The following PCDHA10 variants were observed in gnomAD, a reference collection of about 807,000 sequenced individuals.
PCDHA10 encodes the protein protocadherin alpha 10.
In PCDHA10, 45 loss-of-function variants were observed where a neutral mutation model predicts 61.2. The ratio of observed to expected loss-of-function variants is 0.74; its 90% CI spans 0.58 to 0.94. The LOEUF is 0.94. Ranked by LOEUF, PCDHA10 falls within the 40% of genes least tolerant of loss-of-function variation. The pLI is 0.00. For missense variants in PCDHA10, 1,278 were observed against 1,236.2 expected (o/e 1.03, Z -0.51); for synonymous variants, 602 against 548.8 (o/e 1.10, Z -1.35).
chr5:140,900,276 A>G (rs1228583402), intron 1 of PCDHA10, among the ~76,000 whole-genome samples: 1 of 151,558 alleles, frequency 6.6e-6, no homozygotes, highest in Non-Finnish European at 1.5e-5. Context: ...TATATGTACC[A>G]CACTTTCTTT....
chr5:140,900,432 C>T (rs782344144), intron 1 of PCDHA10, among the ~76,000 whole-genome samples: 1 of 152,178 alleles, frequency 6.6e-6, no homozygotes, highest in Non-Finnish European at 1.5e-5. Flanking sequence ...CACGTGCCAC[C>T]ACGGCCGGCT....
chr5:140,926,323 G>C (rs977416438), intron 1 of PCDHA10: 1 of 152,270 alleles, frequency 6.6e-6, no homozygotes, highest in South Asian at 2.1e-4. Flanking sequence ...GGTGCGCCGG[G>C]GTCAGAGCGC....
intron 1 of PCDHA10, among the ~76,000 whole-genome samples, chr5:140,905,958 G>C (rs1554192269): frequency 6.6e-6 from 1 of 152,184 alleles, no homozygotes; most frequent in African/African-American, 2.4e-5. Context: ...GATGTTCAAG[G>C]GGAGGAAGAT....
intron 1 of PCDHA10, among the ~76,000 whole-genome samples, chr5:140,935,092 C>T (rs1015892831): frequency 2.6e-5 from 4 of 152,100 alleles, no homozygotes; most frequent in Non-Finnish European, 5.9e-5. Context: ...TTCCCAGAAT[C>T]AGCCATTTTT....
At chr5:140,993,883 A>G (rs1256857317) in intron 3 of PCDHA10, among the ~76,000 whole-genome samples, 1 of 152,228 alleles carries the variant, frequency 6.6e-6, no homozygotes, top group East Asian at 1.9e-4. Flanking sequence ...AGTACGCTCT[A>G]TGATGTCCAT....
chr5:140,886,697 G>A (rs1230801248), intron 1 of PCDHA10, among the ~76,000 whole-genome samples: 4 of 151,750 alleles, frequency 2.6e-5, no homozygotes. Context: ...ATGGTGGCAC[G>A]CGCCTGTAAT....
At chr5:140,997,264 A>G (rs1554255813) in intron 3 of PCDHA10, among the ~76,000 whole-genome samples, 3 of 152,154 alleles carry the variant, frequency 2.0e-5, no homozygotes. Context: ...CACTCTTCCA[A>G]ATATTTCTTG....
In PCDHA10 at chr5:140,857,461, C is replaced by T. The variant is rs1554150068; in HGVS notation, c.1413C>T (p.Cys471=). 9 of 1,598,524 alleles carry T rather than the reference C, an allele frequency of 5.6e-6. 1 individual carries two copies. Among genetic ancestry groups the T allele is most frequent in the Non-Finnish European group, 7.7e-6 (9 of 1,167,928 alleles). The change falls in exon 1 of 4, where the codon TGC becomes TGT. Residue 471 remains cysteine, a synonymous_variant. Transcript: ENST00000307360. The part of the protein sequence containing the change: ...VFVKENNPPG[C]HIFTVSAWDA... ...TGAAGGAGAACAACCCGCCAGGCTG[C>T]CACATCTTCACGGTGTCTGCGTGGG...
intron 1 of PCDHA10, among the ~76,000 whole-genome samples, chr5:140,901,937 A>G (rs2068997026): frequency 6.7e-6 from 1 of 148,692 alleles, no homozygotes; most frequent in South Asian, 2.1e-4. Context: ...ATTCCTAGGT[A>G]TATTTAGTTT....
intron 1 of PCDHA10, chr5:140,882,051 A>T: frequency 1.3e-6 from 1 of 757,670 alleles, no homozygotes; most frequent in Non-Finnish European, 2.0e-6. Flanking sequence ...AGTCATACTT[A>T]CACTTACACG....
chr5:140,877,262 T>C (rs1554169532), intron 1 of PCDHA10: 2 of 1,613,670 alleles, frequency 1.2e-6, no homozygotes, highest in South Asian at 2.2e-5. Flanking sequence ...GTGCGCGCGG[T>C]GGACGCTGAC....
chr5:140,913,035 T>C (rs1277110200), intron 1 of PCDHA10, among the ~76,000 whole-genome samples: 2 of 152,242 alleles, frequency 1.3e-5, no homozygotes, highest in African/African-American at 4.8e-5. Context: ...TCATCAGATA[T>C]ATTGGCCTGG....
chr5:140,971,857 T>G (rs1312639660), intron 1 of PCDHA10, among the ~76,000 whole-genome samples: 12 of 152,198 alleles, frequency 7.9e-5, no homozygotes, highest in African/African-American at 2.9e-4. Flanking sequence ...TAAATATTTG[T>G]TAACATCTAG....
intron 1 of PCDHA10, among the ~76,000 whole-genome samples, chr5:140,924,926 TAAAATAAAATAAAAA>T (rs1425116753): frequency 8.4e-6 from 1 of 119,430 alleles, no homozygotes; most frequent in Non-Finnish European, 1.8e-5. Flanking sequence ...TAAAATAAAA[TAAAATAAAATAAAAA>T]GTTAAAAAAA....
intron 1 of PCDHA10, among the ~76,000 whole-genome samples, chr5:140,879,151 T>C (rs1409921025): frequency 6.6e-6 from 1 of 152,216 alleles, no homozygotes; most frequent in Non-Finnish European, 1.5e-5. Flanking sequence ...GCAGGAAAGC[T>C]ATTTCTTTTT....
intron 1 of PCDHA10, among the ~76,000 whole-genome samples, chr5:140,945,912 A>G (rs1351762760): frequency 2.0e-5 from 3 of 152,132 alleles, no homozygotes; most frequent in African/African-American, 7.2e-5. Flanking sequence ...TGAAAGATCA[A>G]TAACACTGAT....
intron 1 of PCDHA10, chr5:140,966,441 CT>C (rs1165111455): frequency 7.1e-6 from 3 of 424,684 alleles, no homozygotes; most frequent in African/African-American, 4.1e-5. Context: ...CTACCGCTCC[CT>C]TTCCCCCTCC....
In PCDHA10 at chr5:140,966,999, G is replaced by A. The variant is rs782081862; in HGVS notation, c.2389-11950G>A. 115 of 1,604,458 alleles carry A rather than the reference G, an allele frequency of 7.2e-5. No homozygotes were observed. The highest frequency in any genetic ancestry group is 8.8e-5 in the Non-Finnish European group (104 of 1,177,324). ...CGGCGCTTGGGGCCGGGTTGCTTGC[G>A]CATCAACCATCTGGGTGCGCCCAGT... On this transcript the variant is annotated intron_variant, in intron 1 of 3. Transcript: ENST00000307360.
At chr5:140,924,244 C>G (rs1375839311) in intron 1 of PCDHA10, among the ~76,000 whole-genome samples, 1 of 152,152 alleles carries the variant, frequency 6.6e-6, no homozygotes, top group Non-Finnish European at 1.5e-5. Context: ...TGTTTTGCAT[C>G]CTGGTGAGAT....
Sources: gnomAD v4.1 joint callset for allele counts (sites outside exome capture counted in the v4.1 genomes callset) on GRCh38, gnomAD v4.1.1 for gene constraint, MANE v1.5 for transcripts, NCBI Gene and HGNC (gene_info 2026-07-23, HGNC 2026-07-21) for gene names.